Variants in MVB12B observed in about 807,000 individuals in gnomAD.
MVB12B encodes the protein ESCRT-I complex subunit MVB12B.
MVB12B carries 16 observed loss-of-function variants against 41.6 expected under a neutral mutation model. The observed-to-expected ratio is 0.38, with a 90% CI of 0.26 to 0.58. The LOEUF is 0.58. Ranked by LOEUF, MVB12B falls within the 20% of genes least tolerant of loss-of-function variation. The probability of loss-of-function intolerance (pLI) is 0.62; values close to 1 mark genes in which losing one functional copy is unlikely to be tolerated. For synonymous variants in MVB12B, 133 were observed against 139.7 expected (o/e 0.95, Z 0.34); for missense variants, 274 against 380.2 (o/e 0.72, Z 2.32).
chr9:126,393,731 G>A (rs7025987), intron 5 of MVB12B, among the ~76,000 whole-genome samples: 4,507 of 152,288 alleles, frequency 0.03, 194 homozygotes, highest in African/African-American at 0.092. Flanking sequence ...CACTTTACTC[G>A]GTGTGGCAGA....
chr9:126,494,730 A>G (rs550447970), intron 9 of MVB12B, among the ~76,000 whole-genome samples: 9 of 152,202 alleles, frequency 5.9e-5, no homozygotes, highest in Non-Finnish European at 1.3e-4. Context: ...TTTTCCACCC[A>G]GTAACCAGTG....
At position 126,387,598 on chromosome 9, in the gene MVB12B, A is replaced by G. The variant is rs1471947977; in HGVS notation, c.409+940A>G. 3.3e-5 allele frequency among the ~76,000 whole-genome samples: 5 copies of G among 152,202 alleles called. No homozygotes were observed. The South Asian group carries it at 6.2e-4, about 19-fold the overall frequency. ...TCATGAAACCAGCAGACCCCGTTGT[A>G]TAGCATATTTTTATTTTCCTGATGG... On this transcript the variant is annotated intron_variant, in intron 4 of 9. Transcript: ENST00000361171.
chr9:126,366,207 G>A (rs561487254), intron 2 of MVB12B, among the ~76,000 whole-genome samples: 2 of 151,656 alleles, frequency 1.3e-5, no homozygotes, highest in South Asian at 2.1e-4. Context: ...CCCCAAAATC[G>A]TCCCTGCTTG....
intron 9 of MVB12B, among the ~76,000 whole-genome samples, chr9:126,498,390 T>C (rs1032869301): frequency 3.3e-5 from 5 of 152,194 alleles, no homozygotes; most frequent in African/African-American, 1.2e-4. Context: ...TGTCCACCCC[T>C]GCACCAGACT....
At chr9:126,336,044 A>C (rs1158219748) in intron 1 of MVB12B, among the ~76,000 whole-genome samples, 1 of 152,232 alleles carries the variant, frequency 6.6e-6, no homozygotes, top group African/African-American at 2.4e-5. Flanking sequence ...GGAGGCTGGA[A>C]CGTGGGCCCA....
At chr9:126,378,416 G>A (rs1830541911) in intron 2 of MVB12B, among the ~76,000 whole-genome samples, 1 of 152,092 alleles carries the variant, frequency 6.6e-6, no homozygotes. Context: ...GGAAAGACAG[G>A]CCAGAAATGC....
At chr9:126,393,048 C>T (rs1252923702) in intron 5 of MVB12B, among the ~76,000 whole-genome samples, 1 of 152,166 alleles carries the variant, frequency 6.6e-6, no homozygotes. Flanking sequence ...GGCCTGGGCC[C>T]GTTTGTGTCT....
rs553325563 is a variant in MVB12B at position 126,459,808 on chromosome 9, C to T, written c.758-21561C>T. ...GGACCTGCCACTCTCCCACAGGGGC[C>T]GCTTGTCTCACAGTCAGAATCGCCA... On this transcript the variant is annotated intron_variant, in intron 7 of 9. Transcript: ENST00000361171. The surrounding 1 kb of genome is among the most constrained non-coding windows in gnomAD (Gnocchi z 4.3). Among the ~76,000 whole-genome samples the T allele has an allele frequency of 4.6e-5, 7 of 152,266 alleles. No individual in the cohort carries two copies. The South Asian group carries it at 6.2e-4, about 14-fold the overall frequency.
Position 126,486,794 on chromosome 9 carries a change from G to A in MVB12B, c.873+2762G>A, listed in dbSNP as rs767450778. The stretch of plus-strand genomic sequence containing the variant: ...AGACAAGGTGGAGACCCAGTGTGTC[G>A]TGCTCCAAGTCCTCCCCACTGTGAC... On this transcript the variant is annotated intron_variant, in intron 9 of 9. Coordinates refer to ENST00000361171, the MANE Select transcript of MVB12B (RefSeq NM_033446.3). The surrounding 1 kb of genome is among the most constrained non-coding windows in gnomAD (Gnocchi z 4.7). Among the ~76,000 whole-genome samples, 3 of 152,126 alleles carry A rather than the reference G, an allele frequency of 2.0e-5. No individual in the cohort carries two copies. Among genetic ancestry groups the A allele is most frequent in the South Asian group, 2.1e-4 (1 of 4,822 alleles).
chr9:126,456,549 G>C (rs1232502620), intron 7 of MVB12B, among the ~76,000 whole-genome samples: 2 of 152,172 alleles, frequency 1.3e-5, no homozygotes, highest in Admixed American at 1.3e-4. Context: ...CGGGATACTT[G>C]GCTGGGGTTC....
At position 126,340,676 on chromosome 9, in the gene MVB12B, A is replaced by G; in HGVS notation, c.204+46A>G. On this transcript the variant is annotated intron_variant, in intron 2 of 9. Transcript: ENST00000361171. This position sits in a 1 kb window ranked among gnomAD's most constrained non-coding sequence, Gnocchi z 4.0. ...GTACATTTTGCTCACTGATTCTACA[A>G]GTATTTATCTCCTGTGTCCAAGACC... The G allele has an allele frequency of 2.5e-6, 4 of 1,602,578 alleles. No homozygotes were observed. The East Asian group carries it at 9.0e-5, about 36-fold the overall frequency.
Position 126,505,786 on chromosome 9 carries a change from C to T in MVB12B, c.*2523C>T, listed in dbSNP as rs10819174. On this transcript the variant is annotated 3_prime_UTR_variant, in exon 10 of 10. Transcript: ENST00000361171. ...CTGGCTCAAACCTAGGAATTGAGAG[C>T]GTTTCTGTCTTTTGGGAGAGTACTT... 43,395 of 151,894 alleles carry T rather than the reference C, an allele frequency of 0.29. 6,298 individuals carry two copies. Among genetic ancestry groups the T allele is most frequent in the African/African-American group, 0.31 (13,031 of 41,388 alleles). The allele number at this position is 151,894 out of a possible 1,614,324, so 9.4% of individuals were successfully genotyped here.
At chr9:126,495,251 T>C (rs1833807273) in intron 9 of MVB12B, among the ~76,000 whole-genome samples, 1 of 149,976 alleles carries the variant, frequency 6.7e-6, no homozygotes. Flanking sequence ...ATTTATTCAG[T>C]GGCCAGGGCA....
Position 126,481,016 on chromosome 9 carries a change from C to T in MVB12B, c.758-353C>T, listed in dbSNP as rs994624986. The T allele has an allele frequency of 6.9e-5, 19 of 275,670 alleles. No individual in the cohort carries two copies. In the Admixed American group the frequency reaches 9.2e-4, roughly 13 times the overall value. The allele number at this position is 275,670 out of a possible 1,614,324, so 17.1% of individuals were successfully genotyped here. A position where few individuals can be genotyped will look rare whatever the true frequency, so the allele number is the denominator to read the frequency against. ...AGCCTGTCCCTGCCAGCTGTGTCAC[C>T]TTCATCCTGCTGCCAGCCCCTGGTG... On this transcript the variant is annotated intron_variant, in intron 7 of 9. Coordinates refer to ENST00000361171, the MANE Select transcript of MVB12B (RefSeq NM_033446.3).
intron 2 of MVB12B, among the ~76,000 whole-genome samples, chr9:126,354,921 G>A (rs1044433924): frequency 5.3e-5 from 8 of 152,206 alleles, no homozygotes; most frequent in East Asian, 3.9e-4. Flanking sequence ...CTAATATACC[G>A]TCTATTTTAT....
In MVB12B at chr9:126,484,047, A is replaced by G. The variant is rs1399955999; in HGVS notation, c.873+15A>G. 2 of 1,613,322 alleles carry G rather than the reference A, an allele frequency of 1.2e-6. No individual in the cohort carries two copies. The highest frequency in any genetic ancestry group is 1.7e-6 in the Non-Finnish European group (2 of 1,179,474). On this transcript the variant is annotated intron_variant, in intron 9 of 9. Transcript: ENST00000361171. Reference sequence around the variant, plus strand: ...TCGAAAAAGAGGTAAGCAAGCCATCAGGGGAGGGGAGGGCAGGCCTGGGCC... The same window carrying G: ...TCGAAAAAGAGGTAAGCAAGCCATCGGGGGAGGGGAGGGCAGGCCTGGGCC...
chr9:126,335,051 T>C (rs752267034), intron 1 of MVB12B, among the ~76,000 whole-genome samples: 5 of 151,628 alleles, frequency 3.3e-5, no homozygotes, highest in Non-Finnish European at 7.4e-5. Flanking sequence ...GATTCTTCTG[T>C]TGGGGGGGAA....
At chr9:126,413,267 C>G (rs1330141975) in intron 6 of MVB12B, among the ~76,000 whole-genome samples, 1 of 152,152 alleles carries the variant, frequency 6.6e-6, no homozygotes, top group African/African-American at 2.4e-5. Context: ...CAAATCCAAG[C>G]TTCTGCATAC....
At chr9:126,491,940 A>T (rs1833739828) in intron 9 of MVB12B, among the ~76,000 whole-genome samples, 1 of 152,028 alleles carries the variant, frequency 6.6e-6, no homozygotes, top group African/African-American at 2.4e-5. Context: ...CTTCCCATAA[A>T]TTGTTGAGGT....
Sources: gnomAD v4.1 joint callset for allele counts (sites outside exome capture counted in the v4.1 genomes callset) on GRCh38, gnomAD v4.1.1 for gene constraint, Gnocchi (gnomAD v3.1) non-coding constraint, MANE v1.5 for transcripts, NCBI Gene and HGNC (gene_info 2026-07-23, HGNC 2026-07-21) for gene names.